The following LPA variants were observed in gnomAD, a reference collection of about 807,000 sequenced individuals.
LPA encodes lipoprotein(a).
In LPA, 199 loss-of-function variants were observed where a neutral mutation model predicts 197.9. The ratio of observed to expected loss-of-function variants is 1.01; its 90% CI spans 0.90 to 1.13. The LOEUF (loss-of-function observed/expected upper bound fraction) is 1.13. LPA is among the 50% of genes most tolerant of loss of function. The pLI is 0.00. For synonymous variants in LPA, 715 were observed against 639.5 expected, an observed-to-expected ratio of 1.12 and a Z score of -1.78; for missense variants, 1,853 against 1,785.8, an observed-to-expected ratio of 1.04 and a Z score of -0.68.
intron 16 of LPA, among the ~76,000 whole-genome samples, chr6:160,611,169 G>T (rs964768379): frequency 2.0e-5 from 3 of 152,090 alleles, no homozygotes; most frequent in African/African-American, 7.2e-5. Context: ...CTTTCCTCAT[G>T]AGCCCAGACA....
At chr6:160,565,672 A>G (rs1290243293) in intron 28 of LPA, among the ~76,000 whole-genome samples, 1 of 152,184 alleles carries the variant, frequency 6.6e-6, no homozygotes, top group East Asian at 1.9e-4. Context: ...CTGGACAGAG[A>G]ATGACTTTGA....
At chr6:160,560,704 C>A (rs9365171) in intron 28 of LPA, among the ~76,000 whole-genome samples, 56,529 of 151,648 alleles carry the variant, frequency 0.37, 10,766 homozygotes, top group Middle Eastern at 0.44. Context: ...TGTCAGATGG[C>A]TAGACCACAG....
intron 30 of LPA, among the ~76,000 whole-genome samples, chr6:160,550,361 C>A (rs1227534555): frequency 1.3e-5 from 2 of 152,124 alleles, no homozygotes; most frequent in Non-Finnish European, 2.9e-5. Context: ...GTCTGAGAAA[C>A]CTTGAAATGT....
chr6:160,604,715 A>T (rs1399607688), intron 18 of LPA, among the ~76,000 whole-genome samples: 2 of 152,196 alleles, frequency 1.3e-5, no homozygotes, highest in Admixed American at 1.3e-4. Flanking sequence ...GTTTAATAGA[A>T]TTCCAAGGAG....
intron 25 of LPA, among the ~76,000 whole-genome samples, chr6:160,585,891 T>G (rs1017970792): frequency 6.6e-6 from 1 of 152,076 alleles, no homozygotes; most frequent in African/African-American, 2.4e-5. Flanking sequence ...GAGAAATCCC[T>G]TCCCTCAAAT....
Position 160,586,306 on chromosome 6 carries a change from A to G in LPA, c.4129+143T>C, listed in dbSNP as rs552521133. 33 of 949,012 alleles carry G rather than the reference A, an allele frequency of 3.5e-5. 1 individual carries two copies. In the South Asian group the frequency reaches 4.8e-4, roughly 14 times the overall value. 58.8% of individuals were successfully genotyped at this position (949,012 alleles called of 1,614,324 possible). A position where few individuals can be genotyped will look rare whatever the true frequency, so the allele number is the denominator to read the frequency against. The stretch of plus-strand genomic sequence containing the variant: ...CAGCTCTGGTCCCCCCAGAGAAGGC[A>G]CTGAAGCTTCCTTCCCATTGGCTGT... On this transcript the variant is annotated intron_variant, in intron 25 of 38. Coordinates refer to ENST00000316300, the MANE Select transcript of LPA (RefSeq NM_005577.4).
intron 26 of LPA, among the ~76,000 whole-genome samples, chr6:160,582,842 T>G (rs1778826453): frequency 6.6e-6 from 1 of 152,114 alleles, no homozygotes; most frequent in Non-Finnish European, 1.5e-5. Flanking sequence ...TTAAATATTT[T>G]GATATTTTCA....
At chr6:160,658,501 T>C (rs1040056487) in intron 1 of LPA, among the ~76,000 whole-genome samples, 1 of 152,188 alleles carries the variant, frequency 6.6e-6, no homozygotes, top group Non-Finnish European at 1.5e-5. Flanking sequence ...TTTTCTTTCA[T>C]CTCTTTCTCC....
intron 28 of LPA, among the ~76,000 whole-genome samples, chr6:160,558,816 C>T (rs924990208): frequency 2.6e-5 from 4 of 152,130 alleles, no homozygotes; most frequent in Non-Finnish European, 4.4e-5. Context: ...GGAACGTTGA[C>T]CCAACTTGTC....
chr6:160,589,821 G>T, intron 23 of LPA, 109 bp from the exon 24 acceptor site: 1 of 1,292,282 alleles, frequency 7.7e-7, no homozygotes, highest in Non-Finnish European at 1.1e-6. Context: ...TGACGACCAT[G>T]CTCTGTTCTA....
intron 32 of LPA, among the ~76,000 whole-genome samples, chr6:160,546,399 G>A (rs986408527): frequency 2.6e-5 from 4 of 152,256 alleles, no homozygotes; most frequent in Middle Eastern, 3.4e-3. Context: ...CCCTTCCCAC[G>A]TGCCTTGCCC....
chr6:160,558,410 T>C (rs1388961200), intron 28 of LPA, among the ~76,000 whole-genome samples: 2 of 152,180 alleles, frequency 1.3e-5, no homozygotes, highest in African/African-American at 4.8e-5. Flanking sequence ...GGCTCTACTT[T>C]TAGAGTGAAA....
At chr6:160,539,445 G>GTTT (rs527511967) in intron 36 of LPA, among the ~76,000 whole-genome samples, 53 of 142,664 alleles carry the variant, frequency 3.7e-4, no homozygotes, top group African/African-American at 1.2e-3. Context: ...TGTTGTGTGG[G>GTTT]TTTTTTTTTT....
intron 28 of LPA, among the ~76,000 whole-genome samples, chr6:160,562,916 C>G (rs536611876): frequency 1.2e-4 from 18 of 151,932 alleles, no homozygotes; most frequent in Admixed American, 5.2e-4. Context: ...TGGTGATATC[C>G]CCTTTATTAT....
Position 160,577,522 on chromosome 6 carries a change from A to C in LPA, c.4472-227T>G, listed in dbSNP as rs1461073750. 2.0e-5 allele frequency among the ~76,000 whole-genome samples: 3 copies of C among 152,336 alleles called. No homozygotes were observed. The East Asian group carries it at 5.8e-4, about 29-fold the overall frequency. ...ATCTAAAGATAAAGAACAGAGGAGA[A>C]TGCTGGACATTGGAAATTACATTCA... On this transcript the variant is annotated intron_variant, in intron 27 of 38. Transcript: ENST00000316300.
intron 22 of LPA, among the ~76,000 whole-genome samples, chr6:160,593,103 AGCCTAGAATACGTCAGAT>A (rs1779061153): frequency 1.3e-5 from 2 of 152,146 alleles, no homozygotes; most frequent in Non-Finnish European, 2.9e-5. Flanking sequence ...ATTCTTAGCC[AGCCTAGAATACGTCAGAT>A]GCCTGAGGCA....
chr6:160,581,355 A>G (rs1778791317), intron 26 of LPA, among the ~76,000 whole-genome samples: 2 of 152,194 alleles, frequency 1.3e-5, no homozygotes, highest in South Asian at 4.1e-4. Flanking sequence ...GCTAAAGTTC[A>G]GTAGCACAAT....
In LPA at chr6:160,589,613, T is replaced by A. The variant is rs753250920; in HGVS notation, c.3887A>T (p.Gln1296Leu). 6.2e-7 allele frequency: 1 copy of A among 1,613,982 alleles called. No individual in the cohort carries two copies. Among genetic ancestry groups the A allele is most frequent in the Non-Finnish European group, 8.5e-7 (1 of 1,179,882 alleles). Residue 1296 changes from glutamine (Q) to leucine (L), a missense_variant, in exon 24 of 39, where the codon CAG (glutamine) becomes CTG (leucine). Gln to Leu is a moderately radical substitution (Grantham distance 113). Coordinates refer to ENST00000316300, the MANE Select transcript of LPA (RefSeq NM_005577.4). ...GTGTGGTGTCATAGAGGACCAAGACTGACATGTCCTTCCTGTAACAGTGGT... is the reference window on the plus strand; with the variant it reads ...GTGTGGTGTCATAGAGGACCAAGACAGACATGTCCTTCCTGTAACAGTGGT... ...FSTTVTGRTC[Q>L]SWSSMTPHWH...
chr6:160,586,476 G>A lies in LPA; in HGVS notation c.4102C>T (p.Pro1368Ser). The stretch of plus-strand genomic sequence containing the variant: ...TCTTCAGAAGGAAGCTCTGTGCTTG[G>A]AACTGGGACCACCGTGGGAGTTGTG... ...LLTTPTVVPV[P>S]STELPSEEAP... Residue 1368 changes from proline (P) to serine (S), a missense_variant, in exon 25 of 39, where the codon CCA (proline) becomes TCA (serine). Pro to Ser is a moderately conservative substitution (Grantham distance 74, BLOSUM62 -1). This residue lies in a region of LPA where 1,737 missense variants were observed against 1,504.4 expected (regional missense o/e 1.15). Transcript: ENST00000316300. The A allele has an allele frequency of 6.2e-7, 1 of 1,613,610 alleles. No homozygotes were observed. The highest frequency in any genetic ancestry group is 1.1e-5 in the South Asian group (1 of 91,074).
Sources: gnomAD v4.1 joint callset for allele counts (sites outside exome capture counted in the v4.1 genomes callset) on GRCh38, gnomAD v4.1.1 for gene constraint, gnomAD v4.1.1 regional missense constraint, MANE v1.5 for transcripts, NCBI Gene and HGNC (gene_info 2026-07-23, HGNC 2026-07-21) for gene names.